Variants in DENND2C observed in about 807,000 individuals in gnomAD.
The protein encoded by DENND2C is DENN domain containing 2C, also known as DENN domain-containing protein 2C.
DENND2C carries 72 observed loss-of-function variants against 112.4 expected under a neutral mutation model. That is an observed-to-expected ratio of 0.64 (90% CI 0.53 to 0.78). The LOEUF (loss-of-function observed/expected upper bound fraction) is 0.78, where lower values mean the gene tolerates loss of function less well. Ranked by LOEUF, DENND2C falls within the 30% of genes least tolerant of loss-of-function variation. The pLI, the probability that DENND2C is intolerant of heterozygous loss-of-function variation, is 0.00. For missense variants in DENND2C, 992 were observed against 1,113.8 expected, an observed-to-expected ratio of 0.89 and a Z score of 1.56; for synonymous variants, 329 against 381.6, an observed-to-expected ratio of 0.86 and a Z score of 1.61.
chr1:114,592,919 A>G (rs1406222877), intron 18 of DENND2C, among the ~76,000 whole-genome samples: 2 of 152,168 alleles, frequency 1.3e-5, no homozygotes, highest in African/African-American at 4.8e-5. Flanking sequence ...AGCTGTAGGC[A>G]TAATTGATTA....
intron 17 of DENND2C, 153 bp downstream of exon 17, chr1:114,595,679 G>A: frequency 1.5e-6 from 1 of 655,736 alleles, no homozygotes; most frequent in East Asian, 2.8e-5. Context: ...GGTCAATCTT[G>A]CATGATTGGC....
At chr1:114,623,227 G>T in intron 5 of DENND2C, 128 bp from the exon 6 acceptor site, 1 of 842,296 alleles carries the variant, frequency 1.2e-6, no homozygotes, top group Non-Finnish European at 1.8e-6. Flanking sequence ...AGGGATGTGG[G>T]TTTCCAGATC....
chr1:114,623,256 T>C (rs1656216351), intron 5 of DENND2C, among the ~76,000 whole-genome samples, 157 bp from the exon 6 acceptor site: 1 of 152,190 alleles, frequency 6.6e-6, no homozygotes, highest in South Asian at 2.1e-4. Flanking sequence ...TTTAAGCTTA[T>C]GGGTTCAACA....
At chr1:114,608,230 CTG>C (rs1391518785) in intron 10 of DENND2C, among the ~76,000 whole-genome samples, 1 of 151,638 alleles carries the variant, frequency 6.6e-6, no homozygotes, top group Non-Finnish European at 1.5e-5. Context: ...AACTGCACCA[CTG>C]CACTCCAGCC....
In DENND2C at chr1:114,623,510, T is replaced by C. The variant is rs1481783654; in HGVS notation, c.940A>G (p.Ile314Val). ...QSEDNIYEDI[I>V]YPTKENPYED... ...CTGCAAAGTTGTCAACACCTACATA[T>C]GATATCTTCATAGATATTGTCCTCA... Residue 314 changes from isoleucine (I) to valine (V), a missense_variant, in exon 5 of 21, where the codon ATA (isoleucine) becomes GTA (valine). Coordinates refer to ENST00000393274, the MANE Select transcript of DENND2C (RefSeq NM_001256404.2). 2.5e-6 allele frequency: 4 copies of C among 1,601,484 alleles called. No homozygotes were observed. The highest frequency in any genetic ancestry group is 2.6e-6 in the Non-Finnish European group (3 of 1,174,952).
chr1:114,593,527 G>C (rs2101642418), intron 18 of DENND2C, among the ~76,000 whole-genome samples: 2 of 152,282 alleles, frequency 1.3e-5, no homozygotes, highest in East Asian at 3.9e-4. Context: ...GCTCACAACT[G>C]TAATTCCAGT....
At chr1:114,629,086 T>C (rs568095819) in intron 3 of DENND2C, among the ~76,000 whole-genome samples, 1 of 152,382 alleles carries the variant, frequency 6.6e-6, no homozygotes, top group Admixed American at 6.5e-5. Flanking sequence ...AATCATTTTG[T>C]CTTTTCTTTT....
At chr1:114,629,994 G>C (rs1656443914) in intron 3 of DENND2C, among the ~76,000 whole-genome samples, 1 of 152,188 alleles carries the variant, frequency 6.6e-6, no homozygotes. Flanking sequence ...GGGGTACACT[G>C]TAAAAATAGT....
intron 18 of DENND2C, 30 bp from the exon 19 acceptor site, chr1:114,587,982 A>G (rs1447646435): frequency 6.3e-7 from 1 of 1,590,234 alleles, no homozygotes; most frequent in South Asian, 1.1e-5. Flanking sequence ...AAAAAAAGAA[A>G]AAAATCTCCT....
intron 18 of DENND2C, among the ~76,000 whole-genome samples, chr1:114,590,298 G>C (rs1246336340): frequency 1.3e-5 from 2 of 152,150 alleles, no homozygotes; most frequent in African/African-American, 2.4e-5. Flanking sequence ...GCTGAGGAAG[G>C]AGGATTGCTT....
At chr1:114,615,716 G>A (rs1217862505) in intron 8 of DENND2C, among the ~76,000 whole-genome samples, 1 of 152,222 alleles carries the variant, frequency 6.6e-6, no homozygotes, top group Non-Finnish European at 1.5e-5. Flanking sequence ...ATGTAACCCA[G>A]AAGATTTTAT....
chr1:114,595,936 A>G (rs1655330693), intron 16 of DENND2C, 63 bp from the exon 17 acceptor site: 1 of 1,469,714 alleles, frequency 6.8e-7, no homozygotes, highest in Non-Finnish European at 9.4e-7. Flanking sequence ...ACAGGCAATG[A>G]GAATAGTTTT....
Position 114,622,973 on chromosome 1 carries a change from T to C in DENND2C, c.1056+14A>G. 2.5e-6 allele frequency: 4 copies of C among 1,575,316 alleles called. No homozygotes were observed. Among genetic ancestry groups the C allele is most frequent in the Non-Finnish European group, 3.5e-6 (4 of 1,155,544 alleles). ...AGATTCTAATGTTTTCTTCAATTCATTATCTGGTTATACCTTGGGTGCTTT... is the reference window on the plus strand; with the variant it reads ...AGATTCTAATGTTTTCTTCAATTCACTATCTGGTTATACCTTGGGTGCTTT... On this transcript the variant is annotated intron_variant, in intron 6 of 20. Transcript: ENST00000393274.
intron 3 of DENND2C, among the ~76,000 whole-genome samples, chr1:114,632,021 T>C (rs1656504103): frequency 6.6e-6 from 1 of 152,182 alleles, no homozygotes; most frequent in African/African-American, 2.4e-5. Flanking sequence ...ACTGGATGTG[T>C]TGAATAGCAG....
chr1:114,661,391 G>A (rs948428502), intron 1 of DENND2C, among the ~76,000 whole-genome samples: 1 of 152,102 alleles, frequency 6.6e-6, no homozygotes, highest in African/African-American at 2.4e-5. Context: ...GAGATATGTA[G>A]CCATTTTTCC....
intron 2 of DENND2C, among the ~76,000 whole-genome samples, chr1:114,647,791 C>T (rs1557957929): frequency 6.6e-6 from 1 of 151,842 alleles, no homozygotes; most frequent in South Asian, 2.1e-4. Context: ...TGCTATGTAT[C>T]TACTTTCATT....
At chr1:114,614,510 C>A (rs1393727467) in intron 8 of DENND2C, among the ~76,000 whole-genome samples, 1 of 152,018 alleles carries the variant, frequency 6.6e-6, no homozygotes, top group Non-Finnish European at 1.5e-5. Flanking sequence ...TGAAGTGTTA[C>A]AATGTAGAGG....
At chr1:114,614,308 G>A (rs947841935) in intron 8 of DENND2C, among the ~76,000 whole-genome samples, 15 of 151,964 alleles carry the variant, frequency 9.9e-5, no homozygotes, top group Non-Finnish European at 2.2e-4. Flanking sequence ...TTCACAGTAG[G>A]TAAATATAAT....
intron 3 of DENND2C, among the ~76,000 whole-genome samples, chr1:114,636,036 AATATATAATATATAT>A (rs1210626965): frequency 6.7e-6 from 1 of 149,866 alleles, no homozygotes; most frequent in Non-Finnish European, 1.5e-5. Context: ...AACATATAAA[AATATATAATATATAT>A]ATAAGCAAAT....
Sources: allele counts gnomAD v4.1 joint callset (sites outside exome capture counted in the v4.1 genomes callset), GRCh38; gene constraint gnomAD v4.1.1; transcripts MANE v1.5; gene names NCBI Gene and HGNC (gene_info 2026-07-23, HGNC 2026-07-21).